The following STRN variants were observed in gnomAD, a reference collection of about 807,000 sequenced individuals.
STRN encodes protein phosphatase 2 regulatory subunit B'''alpha.
STRN carries 53 observed loss-of-function variants against 96.3 expected under a neutral mutation model. The observed-to-expected ratio is 0.55, with a 90% confidence interval of 0.44 to 0.69. STRN has a LOEUF of 0.69. Ranked by LOEUF, STRN falls within the 30% of genes least tolerant of loss-of-function variation. STRN has a pLI of 0.00. For synonymous variants in STRN, 428 were observed against 355.9 expected, an observed-to-expected ratio of 1.20 and a Z score of -2.28; for missense variants, 987 against 963.9, an observed-to-expected ratio of 1.02 and a Z score of -0.32.
chr2:36,855,311 G>C lies in STRN; in HGVS notation c.1879C>G (p.Pro627Ala). The C allele has an allele frequency of 6.2e-7, 1 of 1,613,708 alleles. No individual in the cohort carries two copies. Among genetic ancestry groups the C allele is most frequent in the Middle Eastern group, 1.6e-4 (1 of 6,062 alleles). ...CTGAATGATGCTACCATATGGCTCGGGTCACTGCTCACTAGATCCACAGAG... is the reference window on the plus strand; with the variant it reads ...CTGAATGATGCTACCATATGGCTCGCGTCACTGCTCACTAGATCCACAGAG... ...PASVDLVSSDPSHMVASFSKG... is the reference protein window; with the variant it reads ...PASVDLVSSDASHMVASFSKG... Residue 627 changes from proline (P) to alanine (A), a missense_variant, in exon 15 of 18, where the codon CCG (proline) becomes GCG (alanine). Transcript: ENST00000263918.
intron 10 of STRN, among the ~76,000 whole-genome samples, chr2:36,877,366 C>G (rs1668941814): frequency 6.6e-6 from 1 of 152,118 alleles, no homozygotes; most frequent in South Asian, 2.1e-4. Flanking sequence ...ATAAACAAAT[C>G]ATACTCAATT....
intron 16 of STRN, 34 bp downstream of exon 16, chr2:36,850,966 C>G: frequency 5.6e-6 from 6 of 1,079,942 alleles, no homozygotes; most frequent in Admixed American, 3.4e-5. Context: ...TTTTTTTTTG[C>G]TTTAATAAAA....
At chr2:36,871,844 G>C (rs1340786379) in intron 10 of STRN, among the ~76,000 whole-genome samples, 1 of 152,140 alleles carries the variant, frequency 6.6e-6, no homozygotes, top group African/African-American at 2.4e-5. Flanking sequence ...AACCCAAGCA[G>C]TCTGAATTTA....
chr2:36,917,446 G>A (rs1670133567), intron 2 of STRN, among the ~76,000 whole-genome samples: 1 of 150,932 alleles, frequency 6.6e-6, no homozygotes, highest in African/African-American at 2.4e-5. Context: ...ACTTAAACCC[G>A]GCTGCAGAGG....
At chr2:36,941,887 A>G (rs1426170643) in intron 1 of STRN, among the ~76,000 whole-genome samples, 1 of 152,068 alleles carries the variant, frequency 6.6e-6, no homozygotes, top group Non-Finnish European at 1.5e-5. Flanking sequence ...TATTGGTTGT[A>G]TTACAAGTCT....
At chr2:36,867,715 A>T in intron 12 of STRN, 99 bp downstream of exon 12, 1 of 767,716 alleles carries the variant, frequency 1.3e-6, no homozygotes. Context: ...AACACTCCTA[A>T]ATACAAAGAA....
chr2:36,856,546 C>T (rs185379932), intron 14 of STRN, among the ~76,000 whole-genome samples: 3 of 152,266 alleles, frequency 2.0e-5, no homozygotes, highest in East Asian at 1.9e-4. Flanking sequence ...ACATACTTTA[C>T]TATTCCATTT....
intron 3 of STRN, among the ~76,000 whole-genome samples, chr2:36,915,627 TC>T (rs1309800145): frequency 6.6e-6 from 1 of 152,188 alleles, no homozygotes; most frequent in Middle Eastern, 3.2e-3. Flanking sequence ...AAAACAGTTT[TC>T]CACCTGAAAC....
At chr2:36,932,833 A>C (rs1034143296) in intron 1 of STRN, among the ~76,000 whole-genome samples, 1 of 152,160 alleles carries the variant, frequency 6.6e-6, no homozygotes, top group African/African-American at 2.4e-5. Flanking sequence ...AAAACCCTCA[A>C]CTGCCCAAAT....
intron 3 of STRN, among the ~76,000 whole-genome samples, chr2:36,906,273 G>A (rs1187025458): frequency 6.6e-6 from 1 of 152,052 alleles, no homozygotes; most frequent in Non-Finnish European, 1.5e-5. Context: ...AGACCAGCCT[G>A]GGCAACATGG....
At position 36,861,701 on chromosome 2, in the gene STRN, GA is replaced by G. The variant is rs1054783775; in HGVS notation, c.1548-449del. On this transcript the variant is annotated intron_variant, in intron 12 of 17. Coordinates refer to ENST00000263918, the MANE Select transcript of STRN (RefSeq NM_003162.4). ...AAGGCACATTCCTTAAACAGAAACA[GA>G]AAAAAAAATGCAATGTATCATTGCG... Among the ~76,000 whole-genome samples, 5 of 147,020 alleles carry G rather than the reference GA, an allele frequency of 3.4e-5. No homozygotes were observed. The South Asian group carries it at 8.7e-4, about 26-fold the overall frequency.
At chr2:36,856,474 G>C (rs1032602167) in intron 14 of STRN, among the ~76,000 whole-genome samples, 2 of 152,216 alleles carry the variant, frequency 1.3e-5, no homozygotes, top group Admixed American at 1.3e-4. Context: ...AGAAATAATT[G>C]ATATAACACA....
intron 1 of STRN, among the ~76,000 whole-genome samples, chr2:36,942,675 C>G (rs1181664467): frequency 6.6e-6 from 1 of 152,118 alleles, no homozygotes; most frequent in African/African-American, 2.4e-5. Context: ...ATCTATCTCT[C>G]CCAGTACTGG....
chr2:36,926,865 G>C (rs574386402), intron 1 of STRN, among the ~76,000 whole-genome samples: 45 of 152,236 alleles, frequency 3.0e-4, no homozygotes, highest in Non-Finnish European at 4.0e-4. Context: ...AACCAGAATA[G>C]TAATGACACA....
At chr2:36,915,170 C>A (rs1670059427) in intron 3 of STRN, among the ~76,000 whole-genome samples, 1 of 140,800 alleles carries the variant, frequency 7.1e-6, no homozygotes, top group Non-Finnish European at 1.5e-5. Context: ...GCACTCCAGG[C>A]TGGGTGACAG....
intron 5 of STRN, among the ~76,000 whole-genome samples, chr2:36,902,152 G>A (rs1434016728): frequency 6.6e-6 from 1 of 152,086 alleles, no homozygotes; most frequent in African/African-American, 2.4e-5. Flanking sequence ...ACTTAAAATA[G>A]ATATTTTATA....
intron 1 of STRN, among the ~76,000 whole-genome samples, chr2:36,926,021 C>T (rs1286106599): frequency 6.6e-6 from 1 of 152,100 alleles, no homozygotes; most frequent in Non-Finnish European, 1.5e-5. Context: ...TTCTCAATCC[C>T]CACCATTTTT....
rs973249778 is a variant in STRN, at chr2:36,925,089, C to T, written c.338+16G>A. Reference sequence around the variant, plus strand: ...ATAAACAAAAAAGAACACCACTTTTCATTTTACTGAATTACCTTTCCTGTT... The same window carrying T: ...ATAAACAAAAAAGAACACCACTTTTTATTTTACTGAATTACCTTTCCTGTT... On this transcript the variant is annotated intron_variant, in intron 2 of 17. Coordinates refer to ENST00000263918, the MANE Select transcript of STRN (RefSeq NM_003162.4). 4 of 1,595,432 alleles carry T rather than the reference C, an allele frequency of 2.5e-6. No individual in the cohort carries two copies. The African/African-American group carries it at 5.4e-5, about 21-fold the overall frequency.
At chr2:36,918,722 C>T (rs1021678892) in intron 2 of STRN, among the ~76,000 whole-genome samples, 6 of 152,110 alleles carry the variant, frequency 3.9e-5, no homozygotes, top group African/African-American at 1.4e-4. Flanking sequence ...GTTACATTCA[C>T]TAAAATATAT....
Sources: allele counts gnomAD v4.1 joint callset (sites outside exome capture counted in the v4.1 genomes callset), GRCh38; gene constraint gnomAD v4.1.1; transcripts MANE v1.5; gene names NCBI Gene and HGNC (gene_info 2026-07-23, HGNC 2026-07-21).